CHODL: variants seen among roughly 807,000 people sequenced by gnomAD.
The protein encoded by CHODL is transmembrane protein MT75.
In CHODL, 29 loss-of-function variants were observed where a neutral mutation model predicts 34.5. The ratio of observed to expected loss-of-function variants is 0.84; its 90% CI spans 0.63 to 1.15. CHODL has a LOEUF of 1.15. Ranked by LOEUF, CHODL falls within the 50% of genes most tolerant of loss-of-function variation. CHODL has a pLI of 0.00. For synonymous variants in CHODL, 125 were observed against 116.1 expected (o/e 1.08, Z -0.49); for missense variants, 332 against 332.5 (o/e 1.00, Z 0.01).
At chr21:18,075,549 A>T (rs540928092) in intron 2 of CHODL, among the ~76,000 whole-genome samples, 2 of 152,258 alleles carry the variant, frequency 1.3e-5, no homozygotes, top group East Asian at 3.9e-4. Flanking sequence ...CAGTTTCATT[A>T]TATTTAAAAT....
chr21:18,081,241 C>G (rs1302647922), intron 2 of CHODL, among the ~76,000 whole-genome samples: 1 of 151,962 alleles, frequency 6.6e-6, no homozygotes, highest in East Asian at 1.9e-4. Context: ...GGTGGAGTCT[C>G]CAGATGTTAC....
chr21:17,993,697 G>T, intron 1 of CHODL, among the ~76,000 whole-genome samples: 1 of 152,160 alleles, frequency 6.6e-6, no homozygotes, highest in East Asian at 1.9e-4. Context: ...TATGTCTTCA[G>T]GAAAGAATGA....
chr21:18,157,355 G>GA (rs1466230591), intron 2 of CHODL, among the ~76,000 whole-genome samples: 2 of 152,122 alleles, frequency 1.3e-5, no homozygotes, highest in African/African-American at 4.8e-5. Context: ...TAACTATACA[G>GA]AAAAACATTT....
chr21:18,026,678 G>A (rs2064179166), intron 1 of CHODL, among the ~76,000 whole-genome samples: 1 of 152,064 alleles, frequency 6.6e-6, no homozygotes. Context: ...TTCTTCACAT[G>A]CCAAAATTGG....
chr21:18,119,932 C>A (rs555572898), intron 2 of CHODL, among the ~76,000 whole-genome samples: 1 of 152,170 alleles, frequency 6.6e-6, no homozygotes, highest in East Asian at 1.9e-4. Context: ...TTTTTCCTTG[C>A]AGAATTAATA....
Position 17,966,575 on chromosome 21 carries a change from A to G in CHODL, c.-145+49175A>G, listed in dbSNP as rs148584778. On this transcript the variant is annotated intron_variant, in intron 1 of 6. Coordinates refer to the CHODL transcript ENST00000400127. ...CACACTAAAAGCATGGATTGTAATC[A>G]AGAAATACAAGGCAGGGTGTAAGCC... Among the ~76,000 whole-genome samples the G allele has an allele frequency of 2.4e-4, 37 of 152,312 alleles. No homozygotes were observed. In the East Asian group the frequency reaches 6.8e-3, roughly 28 times the overall value.
At chr21:18,070,884 T>A (rs967823238) in intron 2 of CHODL, among the ~76,000 whole-genome samples, 7 of 151,580 alleles carry the variant, frequency 4.6e-5, no homozygotes, top group Non-Finnish European at 1.0e-4. Flanking sequence ...AGTATTATAG[T>A]ATCCTTTTTT....
intron 2 of CHODL, among the ~76,000 whole-genome samples, chr21:18,149,073 G>A (rs2072933887): frequency 6.6e-6 from 1 of 152,044 alleles, no homozygotes; most frequent in South Asian, 2.1e-4. Context: ...TTCCTGTCCT[G>A]TTTAAATTCT....
At chr21:17,988,716 A>G (rs112840874) in intron 1 of CHODL, among the ~76,000 whole-genome samples, 1 of 150,716 alleles carries the variant, frequency 6.6e-6, no homozygotes, top group Non-Finnish European at 1.5e-5. Flanking sequence ...TGTCCCTACA[A>G]AGGACATGAA....
At chr21:18,195,785 G>A (rs2073580135) in intron 2 of CHODL, among the ~76,000 whole-genome samples, 1 of 152,102 alleles carries the variant, frequency 6.6e-6, no homozygotes, top group Admixed American at 6.6e-5. Flanking sequence ...TACCTGTATT[G>A]TTCACCACTG....
chr21:18,256,443 ATTCTTAGTGTTGT>A, intron 1 of CHODL, 53 bp from the exon 2 acceptor site: 1 of 1,398,780 alleles, frequency 7.1e-7, no homozygotes. Context: ...TTACATTTTG[ATTCTTAGTGTTGT>A]TACAAATAGA....
chr21:18,009,660 G>A (rs1172126273), intron 1 of CHODL, among the ~76,000 whole-genome samples: 2 of 152,024 alleles, frequency 1.3e-5, no homozygotes, highest in African/African-American at 2.4e-5. Context: ...AGGCCAAGGC[G>A]GGAGGATCAC....
chr21:17,980,718 T>C (rs1425813355), intron 1 of CHODL, among the ~76,000 whole-genome samples: 1 of 152,136 alleles, frequency 6.6e-6, no homozygotes, highest in African/African-American at 2.4e-5. Flanking sequence ...GAACTTACAG[T>C]TAAATACTTC....
chr21:18,057,298 C>G (rs1445823759), intron 2 of CHODL, among the ~76,000 whole-genome samples: 1 of 152,074 alleles, frequency 6.6e-6, no homozygotes, highest in East Asian at 1.9e-4. Context: ...TCCCTCCTCT[C>G]TGTCTCTATC....
intron 2 of CHODL, among the ~76,000 whole-genome samples, chr21:18,085,861 G>A (rs1600983180): frequency 6.6e-6 from 1 of 151,912 alleles, no homozygotes; most frequent in Non-Finnish European, 1.5e-5. Context: ...TATTTGACTG[G>A]GGATTGGTGG....
intron 1 of CHODL, among the ~76,000 whole-genome samples, chr21:17,977,787 C>G (rs1235654342): frequency 4.0e-5 from 6 of 149,220 alleles, no homozygotes; most frequent in Admixed American, 2.7e-4. Flanking sequence ...GGCATGGTGG[C>G]CGGCACCTGT....
intron 2 of CHODL, among the ~76,000 whole-genome samples, chr21:18,226,587 C>A (rs1409673945): frequency 6.6e-6 from 1 of 152,106 alleles, no homozygotes; most frequent in East Asian, 1.9e-4. Context: ...GTGTGAGCCA[C>A]CACGTTTGGC....
At chr21:18,083,734 T>C (rs2064970238) in intron 2 of CHODL, among the ~76,000 whole-genome samples, 1 of 152,204 alleles carries the variant, frequency 6.6e-6, no homozygotes, top group Admixed American at 6.5e-5. Flanking sequence ...TGTGGCCCTT[T>C]GTTTTGACCA....
intron 2 of CHODL, among the ~76,000 whole-genome samples, chr21:18,159,409 G>C (rs1007721254): frequency 9.9e-5 from 15 of 152,122 alleles, no homozygotes; most frequent in Non-Finnish European, 1.2e-4. Context: ...TCTGCTGTTT[G>C]AGATTTTTTT....
Sources: gnomAD v4.1 joint callset for allele counts (sites outside exome capture counted in the v4.1 genomes callset) on GRCh38, gnomAD v4.1.1 for gene constraint, MANE v1.5 for transcripts, NCBI Gene and HGNC (gene_info 2026-07-23, HGNC 2026-07-21) for gene names.